Variants in ARHGAP42 observed in about 807,000 individuals in gnomAD.
The protein encoded by ARHGAP42 is rho GTPase-activating protein 42.
A neutral mutation model predicts 125.0 loss-of-function variants in ARHGAP42; 63 were observed. That is an observed-to-expected ratio of 0.50 (90% CI 0.41 to 0.62). The LOEUF is 0.62. Ranked by LOEUF, ARHGAP42 falls within the 20% of genes least tolerant of loss-of-function variation. ARHGAP42 has a pLI of 0.00. For missense variants in ARHGAP42, 766 were observed against 1,024.2 expected, an observed-to-expected ratio of 0.75 and a Z score of 3.44; for synonymous variants, 339 against 351.0, an observed-to-expected ratio of 0.97 and a Z score of 0.38.
chr11:100,888,583 T>C (rs978193605), intron 4 of ARHGAP42, among the ~76,000 whole-genome samples: 1 of 152,196 alleles, frequency 6.6e-6, no homozygotes, highest in Non-Finnish European at 1.5e-5. Context: ...AACGATGTTG[T>C]TATTCAAAGG....
intron 2 of ARHGAP42, among the ~76,000 whole-genome samples, chr11:100,780,629 G>A (rs528212159): frequency 2.6e-5 from 4 of 152,210 alleles, no homozygotes; most frequent in Admixed American, 6.5e-5. Context: ...GCCGAAGGCC[G>A]ATGGGGATTA....
chr11:100,948,627 T>A, intron 11 of ARHGAP42, 92 bp downstream of exon 11: 3 of 983,130 alleles, frequency 3.1e-6, no homozygotes, highest in Non-Finnish European at 2.9e-6. Context: ...ATGTTTTGCC[T>A]GTAGTATAAT....
chr11:100,768,640 T>C (rs1271157668), intron 1 of ARHGAP42, among the ~76,000 whole-genome samples: 1 of 152,174 alleles, frequency 6.6e-6, no homozygotes, highest in African/African-American at 2.4e-5. Flanking sequence ...AATTCTATTT[T>C]CTTATTGATG....
intron 3 of ARHGAP42, among the ~76,000 whole-genome samples, chr11:100,808,392 ACT>A (rs1864050584): frequency 7.6e-6 from 1 of 131,646 alleles, no homozygotes; most frequent in Non-Finnish European, 1.6e-5. Context: ...TTATAAATTC[ACT>A]CTTTTTTTTT....
intron 4 of ARHGAP42, among the ~76,000 whole-genome samples, chr11:100,903,709 AATATATAT>A (rs139506492): frequency 0.015 from 931 of 63,380 alleles, 23 homozygotes; most frequent in Middle Eastern, 0.018. Context: ...TGTCCCTCAA[AATATATAT>A]ATATATATAT....
chr11:100,723,932 A>G (rs10128687), intron 1 of ARHGAP42, among the ~76,000 whole-genome samples: 81,764 of 151,924 alleles, frequency 0.54, 22,495 homozygotes, highest in African/African-American at 0.67. Flanking sequence ...CTTCCTGTCA[A>G]TCTTCCTAAT....
chr11:100,753,545 A>G (rs1460808416), intron 1 of ARHGAP42, among the ~76,000 whole-genome samples: 11 of 152,118 alleles, frequency 7.2e-5, no homozygotes, highest in South Asian at 2.1e-4. Context: ...TCCCCACTTG[A>G]GATTATATTA....
At chr11:100,974,709 C>T in intron 19 of ARHGAP42, 106 bp downstream of exon 19, 2 of 1,150,180 alleles carry the variant, frequency 1.7e-6, no homozygotes, top group Non-Finnish European at 2.3e-6. Context: ...CACTGATGCT[C>T]TTTCCCCAAC....
At chr11:100,715,012 T>A (rs1861632185) in intron 1 of ARHGAP42, among the ~76,000 whole-genome samples, 1 of 131,406 alleles carries the variant, frequency 7.6e-6, no homozygotes, top group African/African-American at 3.0e-5. Flanking sequence ...TTGCACCACT[T>A]CACCGCAGGC....
intron 3 of ARHGAP42, among the ~76,000 whole-genome samples, chr11:100,844,206 C>T (rs1207528301): frequency 6.6e-6 from 1 of 152,076 alleles, no homozygotes; most frequent in African/African-American, 2.4e-5. Context: ...GGAAAGGACA[C>T]CCCATTGAAC....
At chr11:100,771,422 C>A (rs1862975097) in intron 2 of ARHGAP42, among the ~76,000 whole-genome samples, 1 of 151,904 alleles carries the variant, frequency 6.6e-6, no homozygotes, top group Non-Finnish European at 1.5e-5. Flanking sequence ...ATGTGTGGTC[C>A]CTTTGTAGGC....
chr11:100,719,237 T>C (rs1861716662), intron 1 of ARHGAP42, among the ~76,000 whole-genome samples: 1 of 152,222 alleles, frequency 6.6e-6, no homozygotes, highest in African/African-American at 2.4e-5. Flanking sequence ...TTTGCTGAAA[T>C]ATTGGCCAGT....
intron 3 of ARHGAP42, among the ~76,000 whole-genome samples, chr11:100,818,046 A>T (rs1418729015): frequency 6.6e-6 from 1 of 152,238 alleles, no homozygotes; most frequent in African/African-American, 2.4e-5. Context: ...CAATAGTCTG[A>T]GGCCAGATCT....
intron 3 of ARHGAP42, among the ~76,000 whole-genome samples, chr11:100,842,108 C>T (rs1864958471): frequency 2.0e-5 from 3 of 152,150 alleles, no homozygotes; most frequent in Admixed American, 1.3e-4. Flanking sequence ...CTTCAGTTTA[C>T]AAGAACTTCA....
chr11:100,867,449 A>G (rs549722400), intron 4 of ARHGAP42, among the ~76,000 whole-genome samples: 2 of 152,200 alleles, frequency 1.3e-5, no homozygotes, highest in East Asian at 1.9e-4. Flanking sequence ...ATATGTTAGG[A>G]TGTGGCTACT....
chr11:100,742,090 T>A lies in ARHGAP42; in HGVS notation c.155-28253T>A, dbSNP rs950970725. On this transcript the variant is annotated intron_variant, in intron 1 of 23. Coordinates refer to ENST00000298815, the MANE Select transcript of ARHGAP42 (RefSeq NM_152432.4). The stretch of plus-strand genomic sequence containing the variant: ...TAGTTTCTACTCATGTTTCAAAACA[T>A]CTCCTTCTGCTTTTTGCTCACTGTG... Among the ~76,000 whole-genome samples the A allele has an allele frequency of 1.9e-4, 29 of 152,200 alleles. 2 individuals carry two copies. The highest frequency in any genetic ancestry group is 6.8e-4 in the African/African-American group (28 of 41,460).
intron 5 of ARHGAP42, among the ~76,000 whole-genome samples, chr11:100,919,875 TTG>T (rs1282312004): frequency 6.6e-6 from 1 of 152,188 alleles, no homozygotes; most frequent in African/African-American, 2.4e-5. Flanking sequence ...GATGTTGAGT[TTG>T]TGTTTTGAAA....
chr11:100,708,183 G>A (rs969403329), intron 1 of ARHGAP42, among the ~76,000 whole-genome samples: 9 of 152,072 alleles, frequency 5.9e-5, no homozygotes, highest in Non-Finnish European at 1.0e-4. Context: ...AGTCCCTTTT[G>A]TGAGCTGTAC....
At chr11:100,790,921 G>A (rs1481687673) in intron 2 of ARHGAP42, among the ~76,000 whole-genome samples, 1 of 152,110 alleles carries the variant, frequency 6.6e-6, no homozygotes, top group African/African-American at 2.4e-5. Context: ...AAAATACGAG[G>A]TATTACAAAT....
Sources: gnomAD v4.1 joint callset for allele counts (sites outside exome capture counted in the v4.1 genomes callset) on GRCh38, gnomAD v4.1.1 for gene constraint, MANE v1.5 for transcripts, NCBI Gene and HGNC (gene_info 2026-07-23, HGNC 2026-07-21) for gene names.